PDE1B: variants seen among roughly 807,000 people sequenced by gnomAD.
The protein encoded by PDE1B is dual specificity calcium/calmodulin-dependent 3',5'-cyclic nucleotide phosphodiesterase 1B.
A neutral mutation model predicts 66.7 loss-of-function variants in PDE1B; 13 were observed. The observed-to-expected ratio is 0.19, with a 90% CI of 0.13 to 0.31. The LOEUF is 0.31. PDE1B is among the 10% of genes least tolerant of loss of function. The pLI, the probability that PDE1B is intolerant of heterozygous loss-of-function variation, is 1.00. For synonymous variants in PDE1B, 230 were observed against 253.9 expected (o/e 0.91, Z 0.90); for missense variants, 485 against 682.3 (o/e 0.71, Z 3.22).
rs543311534 is a variant in PDE1B at position 54,575,574 on chromosome 12, C to T, written c.1209C>T (p.Gly403=). ...AGGGTGACAAGGAGGCAGAGTTGGG[C>T]CTGCCCTTTTCTCCACTCTGTGACC... ...FRQGDKEAEL[G]LPFSPLCDRT... The change falls in exon 12 of 16, where the codon GGC becomes GGT. Residue 403 remains glycine (G), a synonymous_variant. Transcript: ENST00000243052. This position sits in a 1 kb window ranked among gnomAD's most constrained non-coding sequence, Gnocchi z 4.0. 2 of 1,613,230 alleles carry T rather than the reference C, an allele frequency of 1.2e-6. No individual in the cohort carries two copies. Among genetic ancestry groups the T allele is most frequent in the Admixed American group, 1.7e-5 (1 of 60,004 alleles).
In PDE1B at chr12:54,573,892, T is replaced by A. The variant is rs1302667193; in HGVS notation, c.1064+183T>A. 1.3e-5 allele frequency: 8 copies of A among 594,090 alleles called. No individual in the cohort carries two copies. The East Asian group carries it at 1.4e-4, about 11-fold the overall frequency. The allele number at this position is 594,090 out of a possible 1,614,324, so 36.8% of individuals were successfully genotyped here. Reference sequence around the variant, plus strand: ...GAGAGTGTGTGTGTGTGTGTGTGTGTGTGTGTGTGTGTGTGTGTGTCCTTA... The same window carrying A: ...GAGAGTGTGTGTGTGTGTGTGTGTGAGTGTGTGTGTGTGTGTGTGTCCTTA... On this transcript the variant is annotated intron_variant, in intron 10 of 15. Coordinates refer to ENST00000243052, the MANE Select transcript of PDE1B (RefSeq NM_000924.4). The surrounding 1 kb of genome is among the most constrained non-coding windows in gnomAD (Gnocchi z 5.2).
Position 54,575,230 on chromosome 12 carries a change from T to C in PDE1B, c.1185+12T>C. On this transcript the variant is annotated intron_variant, in intron 11 of 15. Coordinates refer to ENST00000243052, the MANE Select transcript of PDE1B (RefSeq NM_000924.4). This position sits in a 1 kb window ranked among gnomAD's most constrained non-coding sequence, Gnocchi z 4.0. The stretch of plus-strand genomic sequence containing the variant: ...AATTCTTCCGTCAGGTAGCGTGGCA[T>C]CTTTGCCTTCCCTGTGCCTATGGGG... The C allele has an allele frequency of 6.2e-7, 1 of 1,612,314 alleles. No individual in the cohort carries two copies. Among genetic ancestry groups the C allele is most frequent in the East Asian group, 2.2e-5 (1 of 44,814 alleles).
At position 54,575,294 on chromosome 12, in the gene PDE1B, T is replaced by G. The variant is rs1448633008; in HGVS notation, c.1185+76T>G. On this transcript the variant is annotated intron_variant, in intron 11 of 15. Transcript: ENST00000243052. The surrounding 1 kb of genome is among the most constrained non-coding windows in gnomAD (Gnocchi z 4.0). ...TTTTGCCCTCCAAGTTCCCCAATCC[T>G]GTTCCACATCCTCCTTTTGCTACCT... The G allele has an allele frequency of 1.5e-6, 2 of 1,310,018 alleles. No individual in the cohort carries two copies. The highest frequency in any genetic ancestry group is 2.3e-5 in the East Asian group (1 of 43,236). 81.1% of individuals were successfully genotyped at this position (1,310,018 alleles called of 1,614,324 possible). A position where few individuals can be genotyped will look rare whatever the true frequency, so the allele number is the denominator to read the frequency against.
At chr12:54,562,618 T>C (rs187966669) in intron 2 of PDE1B, among the ~76,000 whole-genome samples, 10 of 152,128 alleles carry the variant, frequency 6.6e-5, no homozygotes, top group Admixed American at 6.5e-4. Context: ...AGAAGAACAG[T>C]GAGGTGAGGA....
chr12:54,566,820 GA>G (rs1170446404), intron 2 of PDE1B, among the ~76,000 whole-genome samples, 153 bp from the exon 3 acceptor site: 1 of 152,152 alleles, frequency 6.6e-6, no homozygotes, highest in African/African-American at 2.4e-5. Flanking sequence ...GATTAAAAAA[GA>G]AACATTAGCT....
chr12:54,575,964 T>A lies in PDE1B; in HGVS notation c.1268-28T>A, dbSNP rs746633486. On this transcript the variant is annotated intron_variant, in intron 12 of 15. Coordinates refer to ENST00000243052, the MANE Select transcript of PDE1B (RefSeq NM_000924.4). This position sits in a 1 kb window ranked among gnomAD's most constrained non-coding sequence, Gnocchi z 4.0. Reference sequence around the variant, plus strand: ...TAGCCCTCCAGATAATAGTAAGACATCTCTACGGCATTGCTCCTCCACTGC... The same window carrying A: ...TAGCCCTCCAGATAATAGTAAGACAACTCTACGGCATTGCTCCTCCACTGC... 6.8e-7 allele frequency: 1 copy of A among 1,460,650 alleles called. No homozygotes were observed. Among genetic ancestry groups the A allele is most frequent in the Non-Finnish European group, 9.6e-7 (1 of 1,040,498 alleles). 90.5% of individuals were successfully genotyped at this position (1,460,650 alleles called of 1,614,324 possible). A position where few individuals can be genotyped will look rare whatever the true frequency, so the allele number is the denominator to read the frequency against.
chr12:54,567,285 T>G (rs1418421260), intron 3 of PDE1B, among the ~76,000 whole-genome samples, 198 bp downstream of exon 3: 2 of 151,992 alleles, frequency 1.3e-5, no homozygotes, highest in East Asian at 3.9e-4. Flanking sequence ...GGGTGGATTC[T>G]TTGAACCCAG....
chr12:54,572,548 C>T (rs545683358), intron 6 of PDE1B, 53 bp from the exon 7 acceptor site: 172 of 1,550,472 alleles, frequency 1.1e-4, no homozygotes, highest in Non-Finnish European at 1.5e-4. Flanking sequence ...TCCGTAATCA[C>T]CACCATTCCT....
chr12:54,576,537 T>TA (rs1170533529), intron 13 of PDE1B, 34 bp from the exon 14 acceptor site: 1 of 1,613,698 alleles, frequency 6.2e-7, no homozygotes, highest in Non-Finnish European at 8.5e-7. Context: ...GGCTGGGGCT[T>TA]ACCTCTTGCG....
intron 6 of PDE1B, chr12:54,572,276 T>C: frequency 4.7e-6 from 1 of 213,568 alleles, no homozygotes; most frequent in Non-Finnish European, 9.3e-6. Context: ...TTCTTTGAAA[T>C]CTCCAGGGAA....
rs575353605 is a variant in PDE1B, at chr12:54,569,768, T to C, written c.477+156T>C. On this transcript the variant is annotated intron_variant, in intron 5 of 15. Coordinates refer to ENST00000243052, the MANE Select transcript of PDE1B (RefSeq NM_000924.4). This position sits in a 1 kb window ranked among gnomAD's most constrained non-coding sequence, Gnocchi z 4.4. ...CTCAGGCTGGAGTGCAGTGGCGTGA[T>C]CTCGTCTCACTGCAACCTCTGCCTC... Among the ~76,000 whole-genome samples the C allele has an allele frequency of 6.6e-6, 1 of 151,850 alleles. No homozygotes were observed. Among genetic ancestry groups the C allele is most frequent in the South Asian group, 2.1e-4 (1 of 4,802 alleles).
intron 2 of PDE1B, among the ~76,000 whole-genome samples, chr12:54,557,741 CAGCTGTT>C (rs1177037660): frequency 6.6e-6 from 1 of 152,174 alleles, no homozygotes; most frequent in African/African-American, 2.4e-5. Context: ...CTGCTGGGAA[CAGCTGTT>C]AGGATGTAGT....
At position 54,570,301 on chromosome 12, in the gene PDE1B, C is replaced by G; in HGVS notation, c.538C>G (p.Leu180Val). The G allele has an allele frequency of 6.2e-7, 1 of 1,613,892 alleles. No homozygotes were observed. The highest frequency in any genetic ancestry group is 8.5e-7 in the Non-Finnish European group (1 of 1,179,826). Reference protein sequence around the residue: ...SLNQAADDHALRTIVFELLTR... With the variant: ...SLNQAADDHAVRTIVFELLTR... Reference sequence around the variant, plus strand: ...GAACCAGGCAGCAGATGACCATGCCCTGAGGACCATTGTTTTTGAGTTGCT... The same window carrying G: ...GAACCAGGCAGCAGATGACCATGCCGTGAGGACCATTGTTTTTGAGTTGCT... The change falls in exon 6 of 16, where the codon CTG becomes GTG. Residue 180 changes from leucine (L) to valine (V), a missense_variant. Physicochemically the swap from Leu to Val is conservative, Grantham distance 32 (BLOSUM62 1). Around this residue, in one of 4 missense-constraint regions of PDE1B, gnomAD observed 282 missense variants for 453.4 expected, o/e 0.62. Coordinates refer to ENST00000243052, the MANE Select transcript of PDE1B (RefSeq NM_000924.4).
chr12:54,576,835 C>T (rs1957761177), intron 14 of PDE1B, 134 bp downstream of exon 14: 1 of 884,052 alleles, frequency 1.1e-6, no homozygotes, highest in Non-Finnish European at 1.8e-6. Context: ...GCTGATCAGA[C>T]CAGTTAGATC....
In PDE1B at chr12:54,569,809, C is replaced by G. The variant is rs1957585361; in HGVS notation, c.477+197C>G. ...CCTCTGCCTCCCTGCAAGCGATTCTCCTGCCTCAGCCTCCTGAGTAGCTGG... is the reference window on the plus strand; with the variant it reads ...CCTCTGCCTCCCTGCAAGCGATTCTGCTGCCTCAGCCTCCTGAGTAGCTGG... On this transcript the variant is annotated intron_variant, in intron 5 of 15. Transcript: ENST00000243052. The surrounding 1 kb of genome is among the most constrained non-coding windows in gnomAD (Gnocchi z 4.4). 6.6e-6 allele frequency among the ~76,000 whole-genome samples: 1 copy of G among 151,878 alleles called. No individual in the cohort carries two copies. Among genetic ancestry groups the G allele is most frequent in the South Asian group, 2.1e-4 (1 of 4,810 alleles).
At chr12:54,568,316 G>T (rs1957552819) in intron 3 of PDE1B, among the ~76,000 whole-genome samples, 1 of 151,930 alleles carries the variant, frequency 6.6e-6, no homozygotes, top group East Asian at 1.9e-4. Flanking sequence ...ATAAGAATTA[G>T]CTGGGCATGG....
intron 3 of PDE1B, 89 bp downstream of exon 3, chr12:54,567,176 C>T: frequency 1.5e-6 from 1 of 662,558 alleles, no homozygotes; most frequent in East Asian, 2.9e-5. Flanking sequence ...ACACATGTGG[C>T]ATGGACAGAG....
intron 2 of PDE1B, among the ~76,000 whole-genome samples, chr12:54,554,747 A>G (rs1957322913): frequency 6.6e-6 from 1 of 152,326 alleles, no homozygotes; most frequent in Non-Finnish European, 1.5e-5. Context: ...TCGAGTTCAC[A>G]TTCTGCCCTA....
At chr12:54,557,668 T>C (rs1273534612) in intron 2 of PDE1B, among the ~76,000 whole-genome samples, 1 of 152,214 alleles carries the variant, frequency 6.6e-6, no homozygotes, top group East Asian at 1.9e-4. Context: ...TGCTAAGCTT[T>C]TAATTTACTT....
Sources: allele counts gnomAD v4.1 joint callset (sites outside exome capture counted in the v4.1 genomes callset), GRCh38; gene constraint gnomAD v4.1.1; regional missense constraint gnomAD v4.1.1; non-coding constraint Gnocchi (gnomAD v3.1); transcripts MANE v1.5; gene names NCBI Gene and HGNC (gene_info 2026-07-23, HGNC 2026-07-21).